The following ZSWIM5 variants were observed in gnomAD, a reference collection of about 807,000 sequenced individuals.
ZSWIM5 encodes the protein zinc finger SWIM-type containing 5.
ZSWIM5 carries 55 observed loss-of-function variants against 119.6 expected under a neutral mutation model. That is an observed-to-expected ratio of 0.46 (90% CI 0.37 to 0.58). The LOEUF (loss-of-function observed/expected upper bound fraction) is 0.58. Ranked by LOEUF, ZSWIM5 falls within the 20% of genes least tolerant of loss-of-function variation. The pLI is 0.00. For missense variants in ZSWIM5, 1,193 were observed against 1,512.8 expected (o/e 0.79, Z 3.51); for synonymous variants, 537 against 606.9 (o/e 0.88, Z 1.69).
intron 1 of ZSWIM5, among the ~76,000 whole-genome samples, chr1:45,172,570 A>G (rs1217090120): frequency 6.6e-6 from 1 of 152,174 alleles, no homozygotes; most frequent in Non-Finnish European, 1.5e-5. Context: ...AACAAGCTAC[A>G]TAAGACCTTA....
At position 45,206,232 on chromosome 1, in the gene ZSWIM5, G is replaced by A; in HGVS notation, c.119C>T (p.Ala40Val). 1 of 1,583,320 alleles carries A rather than the reference G, an allele frequency of 6.3e-7. No individual in the cohort carries two copies. The highest frequency in any genetic ancestry group is 8.6e-7 in the Non-Finnish European group (1 of 1,166,266). ...AHHPRGSPGA[A>V]GGGAGGVGSS... Reference sequence around the variant, plus strand: ...GCCGACGCCCCCTGCCCCTCCGCCGGCTGCCCCAGGCGAACCGCGAGGGTG... The same window carrying A: ...GCCGACGCCCCCTGCCCCTCCGCCGACTGCCCCAGGCGAACCGCGAGGGTG... The change falls in exon 1 of 14, where the codon GCC (alanine) becomes GTC (valine). Residue 40 changes from alanine to valine, a missense_variant. By Grantham distance (64) the Ala-to-Val change is moderately conservative. Around this residue, in one of 2 missense-constraint regions of ZSWIM5, gnomAD observed 232 missense variants for 222.9 expected, o/e 1.04. Coordinates refer to ENST00000359600, the MANE Select transcript of ZSWIM5 (RefSeq NM_020883.2).
At chr1:45,035,519 A>G (rs565346268) in intron 10 of ZSWIM5, among the ~76,000 whole-genome samples, 169 bp downstream of exon 10, 2 of 152,244 alleles carry the variant, frequency 1.3e-5, no homozygotes, top group Non-Finnish European at 2.9e-5. Context: ...GAATCCAGAT[A>G]TGAATCCTAG....
intron 2 of ZSWIM5, among the ~76,000 whole-genome samples, chr1:45,079,219 A>T (rs1298284004): frequency 6.6e-6 from 1 of 151,754 alleles, no homozygotes; most frequent in Non-Finnish European, 1.5e-5. Context: ...CCCAAATCTT[A>T]TAAAACGGCC....
At chr1:45,022,675 T>A (rs1644895398) in intron 11 of ZSWIM5, among the ~76,000 whole-genome samples, 1 of 152,182 alleles carries the variant, frequency 6.6e-6, no homozygotes, top group Admixed American at 6.5e-5. Flanking sequence ...TTCCCATATA[T>A]CCCCTATTAT....
chr1:45,187,026 C>A (rs576100820), intron 1 of ZSWIM5, among the ~76,000 whole-genome samples: 42 of 152,286 alleles, frequency 2.8e-4, no homozygotes, highest in African/African-American at 7.9e-4. Context: ...GATGCCAAAA[C>A]TTCCAAACTG....
At chr1:45,075,980 AC>A (rs1358024892) in intron 2 of ZSWIM5, among the ~76,000 whole-genome samples, 1 of 152,026 alleles carries the variant, frequency 6.6e-6, no homozygotes, top group African/African-American at 2.4e-5. Flanking sequence ...AAATAAGCAA[AC>A]AAACGAGCCA....
At chr1:45,020,855 T>C (rs1644883621) in intron 11 of ZSWIM5, 67 bp from the exon 12 acceptor site, 1 of 1,524,334 alleles carries the variant, frequency 6.6e-7, no homozygotes, top group Non-Finnish European at 8.9e-7. Context: ...CTGACTGCAA[T>C]AGATACTCAT....
Position 45,088,446 on chromosome 1 carries a change from A to G in ZSWIM5, c.596-209T>C, listed in dbSNP as rs1645344716. Among the ~76,000 whole-genome samples the G allele has an allele frequency of 6.6e-6, 1 of 152,226 alleles. No individual in the cohort carries two copies. On this transcript the variant is annotated intron_variant, in intron 1 of 13. Transcript: ENST00000359600. This position sits in a 1 kb window ranked among gnomAD's most constrained non-coding sequence, Gnocchi z 4.2. ...AATATAGAAAGAGTCCTCACCCTGGAGTTCGTGAACCTCCTGAACTCACAC... is the reference window on the plus strand; with the variant it reads ...AATATAGAAAGAGTCCTCACCCTGGGGTTCGTGAACCTCCTGAACTCACAC...
chr1:45,088,091 C>T lies in ZSWIM5; in HGVS notation c.742G>A (p.Val248Met). 1 of 1,614,186 alleles carries T rather than the reference C, an allele frequency of 6.2e-7. No homozygotes were observed. The highest frequency in any genetic ancestry group is 1.1e-5 in the South Asian group (1 of 91,084). ...ATCCTGTAGAGTGAGAGTGCTACCA[C>T]ATGGGCACAGTAGAATATGTCCTTG... Reference protein sequence around the residue: ...GNKDIFYCAHVVALSLYRIRK... With the variant: ...GNKDIFYCAHMVALSLYRIRK... The change falls in exon 2 of 14, where the codon GTG becomes ATG. Residue 248 changes from valine to methionine, a missense_variant. Around this residue, in one of 2 missense-constraint regions of ZSWIM5, gnomAD observed 961 missense variants for 1,290.0 expected, o/e 0.74. Coordinates refer to ENST00000359600, the MANE Select transcript of ZSWIM5 (RefSeq NM_020883.2). This position sits in a 1 kb window ranked among gnomAD's most constrained non-coding sequence, Gnocchi z 4.2.
At chr1:45,093,896 T>A (rs1033753179) in intron 1 of ZSWIM5, among the ~76,000 whole-genome samples, 9 of 148,840 alleles carry the variant, frequency 6.0e-5, no homozygotes, top group Non-Finnish European at 1.0e-4. Flanking sequence ...CAGGCTGGAG[T>A]GCAGTGGTGC....
intron 1 of ZSWIM5, among the ~76,000 whole-genome samples, chr1:45,184,138 A>C (rs1215757841): frequency 6.6e-6 from 1 of 152,234 alleles, no homozygotes; most frequent in African/African-American, 2.4e-5. Flanking sequence ...ACAGAACCAA[A>C]GATAAAAACC....
In ZSWIM5 at chr1:45,016,732, GGA is replaced by G. The variant is rs1204181516; in HGVS notation, c.*1720_*1721del. The G allele has an allele frequency of 6.6e-6, 1 of 152,178 alleles. No homozygotes were observed. Among genetic ancestry groups the G allele is most frequent in the African/African-American group, 2.4e-5 (1 of 41,416 alleles). The allele number at this position is 152,178 out of a possible 1,614,324, so 9.4% of individuals were successfully genotyped here. A position where few individuals can be genotyped will look rare whatever the true frequency, so the allele number is the denominator to read the frequency against. On this transcript the variant is annotated 3_prime_UTR_variant, in exon 14 of 14. Transcript: ENST00000359600. ...CCTATCAAACCCCACCCCCAACTCA[GGA>G]ACTAAGACATGAAACAGTAAACACC...
intron 2 of ZSWIM5, among the ~76,000 whole-genome samples, chr1:45,069,440 A>G (rs1203375957): frequency 6.6e-6 from 1 of 152,030 alleles, no homozygotes; most frequent in Non-Finnish European, 1.5e-5. Flanking sequence ...AAAAAAAAAA[A>G]GAAATTCACG....
intron 11 of ZSWIM5, among the ~76,000 whole-genome samples, chr1:45,027,106 T>C (rs1290142765): frequency 2.0e-5 from 3 of 151,844 alleles, no homozygotes; most frequent in Admixed American, 2.0e-4. Flanking sequence ...TCTCCTCTTT[T>C]TTTTTTTTCG....
Position 45,088,306 on chromosome 1 carries a change from G to T in ZSWIM5, c.596-69C>A, listed in dbSNP as rs1645344034. The stretch of plus-strand genomic sequence containing the variant: ...ATAAACTTAGATTCTCATTTTACAT[G>T]TAAATTCATCAATTCATAAATTATG... On this transcript the variant is annotated intron_variant, in intron 1 of 13. Coordinates refer to ENST00000359600, the MANE Select transcript of ZSWIM5 (RefSeq NM_020883.2). The surrounding 1 kb of genome is among the most constrained non-coding windows in gnomAD (Gnocchi z 4.2). 1.7e-6 allele frequency: 2 copies of T among 1,152,764 alleles called. No individual in the cohort carries two copies. Among genetic ancestry groups the T allele is most frequent in the Non-Finnish European group, 2.4e-6 (2 of 820,932 alleles). The allele number at this position is 1,152,764 out of a possible 1,614,324, so 71.4% of individuals were successfully genotyped here.
chr1:45,180,247 G>A lies in ZSWIM5; in HGVS notation c.595+25509C>T, dbSNP rs148873362. Among the ~76,000 whole-genome samples, 526 of 152,258 alleles carry A rather than the reference G, an allele frequency of 3.5e-3. 5 individuals are homozygous for A. Among genetic ancestry groups the A allele is most frequent in the East Asian group, 0.01 (52 of 5,184 alleles). On this transcript the variant is annotated intron_variant, in intron 1 of 13. Transcript: ENST00000359600. ...TCCCACCCGAATACTGCGCTTTTCC[G>A]ACGGGCTTAGGAAACGGCACACCAG...
intron 1 of ZSWIM5, among the ~76,000 whole-genome samples, chr1:45,176,557 G>A (rs185940642): frequency 2.6e-5 from 4 of 152,176 alleles, no homozygotes; most frequent in Non-Finnish European, 5.9e-5. Context: ...GAGCCACCGC[G>A]CCCGGCCTGG....
intron 1 of ZSWIM5, among the ~76,000 whole-genome samples, chr1:45,199,234 C>T (rs1244528270): frequency 6.6e-6 from 1 of 151,500 alleles, no homozygotes; most frequent in African/African-American, 2.4e-5. Flanking sequence ...ATGCAAACAA[C>T]TGCTGTTAAG....
chr1:45,044,492 G>A (rs534769026), intron 5 of ZSWIM5, among the ~76,000 whole-genome samples: 282 of 150,726 alleles, frequency 1.9e-3, no homozygotes, highest in African/African-American at 6.5e-3. Flanking sequence ...GGGAGGCTGA[G>A]GTGGGCGGAT....
Sources: allele counts gnomAD v4.1 joint callset (sites outside exome capture counted in the v4.1 genomes callset), GRCh38; gene constraint gnomAD v4.1.1; regional missense constraint gnomAD v4.1.1; non-coding constraint Gnocchi (gnomAD v3.1); transcripts MANE v1.5; gene names NCBI Gene and HGNC (gene_info 2026-07-23, HGNC 2026-07-21).